Variants in AKT3 observed in about 807,000 individuals in gnomAD.
The protein encoded by AKT3 is RAC-gamma serine/threonine-protein kinase.
Under a neutral mutation model 65.3 loss-of-function variants are expected in AKT3, and 15 were observed. The ratio of observed to expected loss-of-function variants is 0.23; its 90% CI spans 0.15 to 0.35. The LOEUF (loss-of-function observed/expected upper bound fraction) is 0.35. AKT3 is among the 10% of genes least tolerant of loss of function. The probability of loss-of-function intolerance (pLI) is 1.00; values close to 1 mark genes in which losing one functional copy is unlikely to be tolerated. For synonymous variants in AKT3, 206 were observed against 183.8 expected (o/e 1.12, Z -0.98); for missense variants, 243 against 576.5 (o/e 0.42, Z 5.92).
chr1:243,538,733 T>A (rs1672097220), intron 12 of AKT3, among the ~76,000 whole-genome samples: 1 of 151,888 alleles, frequency 6.6e-6, no homozygotes, highest in Admixed American at 6.6e-5. Flanking sequence ...CAGTGATGTA[T>A]GCTTGCAATC....
chr1:243,649,432 C>T (rs879368411), intron 4 of AKT3, among the ~76,000 whole-genome samples: 5 of 151,360 alleles, frequency 3.3e-5, no homozygotes, highest in Non-Finnish European at 5.9e-5. Context: ...TACATACACA[C>T]TTTAAGTTCT....
At chr1:243,758,281 T>C (rs563914967) in intron 2 of AKT3, among the ~76,000 whole-genome samples, 1 of 152,236 alleles carries the variant, frequency 6.6e-6, no homozygotes, top group East Asian at 1.9e-4. Context: ...GGAGGGAATA[T>C]AATACTTTGG....
At chr1:243,744,758 A>T (rs956577367) in intron 2 of AKT3, among the ~76,000 whole-genome samples, 1 of 151,238 alleles carries the variant, frequency 6.6e-6, no homozygotes, top group African/African-American at 2.4e-5. Flanking sequence ...AAAAAAAAAA[A>T]AATTATTATA....
chr1:243,582,447 CAAAAAAAAAAAAAAAA>C (rs59718769), intron 8 of AKT3, among the ~76,000 whole-genome samples: 1 of 101,524 alleles, frequency 9.8e-6, no homozygotes, highest in Non-Finnish European at 2.1e-5. Flanking sequence ...TTAGCTTTCT[CAAAAAAAAAAAAAAAA>C]AAAAAAAAGA....
At chr1:243,514,070 G>A (rs3006938) in intron 12 of AKT3, among the ~76,000 whole-genome samples, 10,121 of 152,146 alleles carry the variant, frequency 0.067, 1,108 homozygotes, top group African/African-American at 0.23. Flanking sequence ...GCAGAAAACG[G>A]GAAGACTGGA....
In AKT3 at chr1:243,579,245, G is replaced by C. The variant is rs1432221343; in HGVS notation, c.697-6197C>G. Among the ~76,000 whole-genome samples the C allele has an allele frequency of 3.3e-5, 5 of 152,244 alleles. No homozygotes were observed. In the East Asian group the frequency reaches 9.6e-4, roughly 29 times the overall value. ...AATAGGCATTTGATAACACAGCTTT[G>C]CAAGTTCATGAAGGTAGATATGGGA... is the stretch of plus-strand genomic sequence containing the variant. On this transcript the variant is annotated intron_variant, in intron 8 of 13. Coordinates refer to ENST00000673466, the MANE Select transcript of AKT3 (RefSeq NM_005465.7).
At chr1:243,684,358 CCCTGTGTT>C (rs1276689756) in intron 3 of AKT3, among the ~76,000 whole-genome samples, 1 of 151,966 alleles carries the variant, frequency 6.6e-6, no homozygotes, top group East Asian at 1.9e-4. Flanking sequence ...CTCCCTGTGT[CCCTGTGTT>C]CTCACTGTTC....
At chr1:243,649,747 C>T (rs899733890) in intron 4 of AKT3, among the ~76,000 whole-genome samples, 2 of 152,094 alleles carry the variant, frequency 1.3e-5, no homozygotes, top group Non-Finnish European at 1.5e-5. Context: ...ATGAACTCAT[C>T]CTTTTTTATG....
chr1:243,618,277 C>T (rs559443925), intron 6 of AKT3, among the ~76,000 whole-genome samples: 1 of 152,194 alleles, frequency 6.6e-6, no homozygotes, highest in Admixed American at 6.5e-5. Flanking sequence ...GGAATGAACA[C>T]CATGTACATA....
At chr1:243,667,254 CTTCCTA>C (rs547803844) in intron 3 of AKT3, among the ~76,000 whole-genome samples, 100 of 152,172 alleles carry the variant, frequency 6.6e-4, no homozygotes, top group Non-Finnish European at 1.2e-3. Context: ...AGACAAGATT[CTTCCTA>C]TTTAGAGATG....
chr1:243,739,293 A>C (rs185294601), intron 2 of AKT3, among the ~76,000 whole-genome samples: 13 of 152,344 alleles, frequency 8.5e-5, no homozygotes, highest in Admixed American at 2.6e-4. Context: ...CATAGAAAAA[A>C]TTGAGATATT....
chr1:243,610,771 T>C (rs183935861), intron 8 of AKT3, among the ~76,000 whole-genome samples: 1 of 152,354 alleles, frequency 6.6e-6, no homozygotes, highest in Admixed American at 6.5e-5. Context: ...TAGACAAACA[T>C]ATATACACAT....
At chr1:243,593,721 G>A (rs781752058) in intron 8 of AKT3, among the ~76,000 whole-genome samples, 1 of 152,108 alleles carries the variant, frequency 6.6e-6, no homozygotes, top group Non-Finnish European at 1.5e-5. Context: ...TCACCTCAAT[G>A]GAGGCACAAA....
chr1:243,829,850 G>C (rs1283872395), intron 2 of AKT3, among the ~76,000 whole-genome samples: 1 of 152,120 alleles, frequency 6.6e-6, no homozygotes, highest in Non-Finnish European at 1.5e-5. Flanking sequence ...GTAAAACTGA[G>C]AAAAAGTGGC....
intron 4 of AKT3, among the ~76,000 whole-genome samples, chr1:243,651,270 A>AT (rs1292961415): frequency 1.3e-5 from 2 of 152,166 alleles, no homozygotes; most frequent in African/African-American, 4.8e-5. Flanking sequence ...CCGAAGTTGC[A>AT]TATCAGCTTA....
chr1:243,669,336 A>G (rs939505312), intron 3 of AKT3, among the ~76,000 whole-genome samples: 5 of 152,208 alleles, frequency 3.3e-5, no homozygotes, highest in African/African-American at 1.2e-4. Context: ...TGGAGGACAG[A>G]CACTTAAATG....
At chr1:243,593,436 C>T (rs922673942) in intron 8 of AKT3, among the ~76,000 whole-genome samples, 8 of 152,184 alleles carry the variant, frequency 5.3e-5, no homozygotes, top group African/African-American at 1.9e-4. Context: ...TCTGTAATCC[C>T]AGCACTTTGG....
intron 1 of AKT3, among the ~76,000 whole-genome samples, 196 bp downstream of exon 1, chr1:243,849,838 TCCACAC>T (rs1018477303): frequency 9.9e-5 from 15 of 151,112 alleles, no homozygotes; most frequent in Non-Finnish European, 2.1e-4. Context: ...TCCCCCGGCC[TCCACAC>T]CCACACCCGA....
chr1:243,581,823 T>G (rs1675381540), intron 8 of AKT3, among the ~76,000 whole-genome samples: 1 of 151,086 alleles, frequency 6.6e-6, no homozygotes, highest in African/African-American at 2.4e-5. Context: ...AAGACAAAGT[T>G]GAAAATCAAC....
Sources: allele counts gnomAD v4.1 joint callset (sites outside exome capture counted in the v4.1 genomes callset), GRCh38; gene constraint gnomAD v4.1.1; transcripts MANE v1.5; gene names NCBI Gene and HGNC (gene_info 2026-07-23, HGNC 2026-07-21).